Variants in FOXN3 observed in about 807,000 individuals in gnomAD.
FOXN3 encodes forkhead box N3, also known as forkhead box protein N3.
Under a neutral mutation model 38.4 loss-of-function variants are expected in FOXN3, and 7 were observed. That is an observed-to-expected ratio of 0.18 (90% CI 0.10 to 0.34). FOXN3 has a LOEUF of 0.34. FOXN3 is among the 10% of genes least tolerant of loss of function. The probability of loss-of-function intolerance (pLI) is 1.00; values close to 1 mark genes in which losing one functional copy is unlikely to be tolerated. For missense variants in FOXN3, 456 were observed against 613.4 expected (o/e 0.74, Z 2.71); for synonymous variants, 230 against 242.2 (o/e 0.95, Z 0.47).
chr14:89,383,029 G>GTTTTTT (rs57032907), intron 2 of FOXN3, among the ~76,000 whole-genome samples: 274 of 92,528 alleles, frequency 3.0e-3, no homozygotes, highest in African/African-American at 0.011. Flanking sequence ...TTTGGGTGGT[G>GTTTTTT]TTTTTTTTTT....
intron 1 of FOXN3, among the ~76,000 whole-genome samples, chr14:89,564,123 A>G (rs1052910210): frequency 2.0e-5 from 3 of 152,074 alleles, no homozygotes; most frequent in Admixed American, 6.6e-5. Context: ...CCAAAGTGCT[A>G]GGATTACAGG....
chr14:89,194,211 T>C (rs1409517535), intron 4 of FOXN3, among the ~76,000 whole-genome samples: 2 of 152,204 alleles, frequency 1.3e-5, no homozygotes, highest in Non-Finnish European at 2.9e-5. Context: ...TGTTCTTTTA[T>C]AGCTTAATGT....
intron 3 of FOXN3, among the ~76,000 whole-genome samples, chr14:89,325,974 G>A (rs1888072116): frequency 6.6e-6 from 1 of 152,194 alleles, no homozygotes; most frequent in African/African-American, 2.4e-5. Context: ...TAATCATGGG[G>A]AATTATTAGA....
At chr14:89,427,931 C>T (rs1892075414) in intron 1 of FOXN3, among the ~76,000 whole-genome samples, 1 of 152,090 alleles carries the variant, frequency 6.6e-6, no homozygotes, top group South Asian at 2.1e-4. Flanking sequence ...GCCTCATCAA[C>T]ATTTTCCTCC....
chr14:89,422,639 G>C (rs756417829), intron 1 of FOXN3, among the ~76,000 whole-genome samples: 69 of 152,194 alleles, frequency 4.5e-4, no homozygotes, highest in Non-Finnish European at 9.4e-4. Context: ...CCCTCGGCTG[G>C]AAGACCCTTA....
intron 1 of FOXN3, among the ~76,000 whole-genome samples, chr14:89,552,589 T>G (rs1229696906): frequency 1.3e-5 from 2 of 152,208 alleles, no homozygotes; most frequent in Non-Finnish European, 2.9e-5. Context: ...CTGGGCACAG[T>G]GGCTCACACC....
chr14:89,373,829 C>A (rs1203856714), intron 2 of FOXN3, among the ~76,000 whole-genome samples: 7 of 151,960 alleles, frequency 4.6e-5, no homozygotes, highest in Non-Finnish European at 7.4e-5. Flanking sequence ...ACTATTCAAA[C>A]TAAAAATTAA....
At chr14:89,298,573 C>T (rs895283501) in intron 3 of FOXN3, among the ~76,000 whole-genome samples, 6 of 150,830 alleles carry the variant, frequency 4.0e-5, no homozygotes, top group African/African-American at 1.2e-4. Context: ...GACAGACAAA[C>T]AGACATTTCC....
At chr14:89,181,748 A>T (rs1453022832) in intron 4 of FOXN3, among the ~76,000 whole-genome samples, 1 of 152,182 alleles carries the variant, frequency 6.6e-6, no homozygotes, top group African/African-American at 2.4e-5. Flanking sequence ...CCCTGATGTA[A>T]CCTTTTCTAA....
At chr14:89,400,574 T>C (rs1375722692) in intron 2 of FOXN3, among the ~76,000 whole-genome samples, 1 of 152,110 alleles carries the variant, frequency 6.6e-6, no homozygotes, top group East Asian at 1.9e-4. Context: ...CTAGCATCAC[T>C]CCCACCATCT....
At chr14:89,313,313 C>A (rs1168725838) in intron 3 of FOXN3, among the ~76,000 whole-genome samples, 1 of 152,178 alleles carries the variant, frequency 6.6e-6, no homozygotes, top group Non-Finnish European at 1.5e-5. Context: ...CACCTGTAAT[C>A]CCAGCACTTT....
At chr14:89,232,358 G>C (rs1008672348) in intron 4 of FOXN3, among the ~76,000 whole-genome samples, 1 of 152,126 alleles carries the variant, frequency 6.6e-6, no homozygotes, top group South Asian at 2.1e-4. Flanking sequence ...AATAGACCCC[G>C]AGTGCTTTAA....
intron 3 of FOXN3, among the ~76,000 whole-genome samples, chr14:89,293,286 T>G (rs1339768035): frequency 2.0e-5 from 3 of 152,338 alleles, no homozygotes; most frequent in Non-Finnish European, 4.4e-5. Flanking sequence ...ACGCTCTCCA[T>G]GCTGCCCAGG....
chr14:89,182,285 G>A (rs1156958904), intron 4 of FOXN3, among the ~76,000 whole-genome samples: 1 of 152,168 alleles, frequency 6.6e-6, no homozygotes, highest in Admixed American at 6.5e-5. Context: ...TGAATACGGG[G>A]TAATTTTACA....
At chr14:89,575,207 C>G (rs1016316877) in intron 1 of FOXN3, among the ~76,000 whole-genome samples, 1 of 152,126 alleles carries the variant, frequency 6.6e-6, no homozygotes, top group South Asian at 2.1e-4. Flanking sequence ...ACGAAGGGGA[C>G]CCCCAAGCGA....
intron 2 of FOXN3, among the ~76,000 whole-genome samples, chr14:89,367,823 G>C (rs927310446): frequency 8.9e-6 from 1 of 112,128 alleles, no homozygotes; most frequent in South Asian, 3.5e-4. Flanking sequence ...GGCTCAGCAA[G>C]CCGGCCTCCT....
chr14:89,332,092 A>G (rs1434719264), intron 3 of FOXN3, among the ~76,000 whole-genome samples: 2 of 152,222 alleles, frequency 1.3e-5, no homozygotes, highest in East Asian at 3.8e-4. Flanking sequence ...AACCCCAGGA[A>G]GCTGTTCATG....
chr14:89,226,489 T>A (rs1198932211), intron 4 of FOXN3, among the ~76,000 whole-genome samples: 1 of 152,192 alleles, frequency 6.6e-6, no homozygotes, highest in Non-Finnish European at 1.5e-5. Context: ...TTACCCAGGC[T>A]GGTCTCGAAC....
At chr14:89,426,215 A>AT (rs33964198) in intron 1 of FOXN3, among the ~76,000 whole-genome samples, 8,028 of 77,502 alleles carry the variant, frequency 0.1, 1,282 homozygotes, top group South Asian at 0.23. Flanking sequence ...AGGAGTACTG[A>AT]TTTTTTTTTT....
Sources: allele counts gnomAD v4.1 joint callset (sites outside exome capture counted in the v4.1 genomes callset), GRCh38; gene constraint gnomAD v4.1.1; transcripts MANE v1.5; gene names NCBI Gene and HGNC (gene_info 2026-07-23, HGNC 2026-07-21).